The following WDR43 variants were observed in gnomAD, a reference collection of about 807,000 sequenced individuals.
The protein encoded by WDR43 is WD repeat domain 43.
In WDR43, 13 loss-of-function variants were observed where a neutral mutation model predicts 91.4. The observed-to-expected ratio is 0.14, with a 90% CI of 0.09 to 0.23. WDR43 has a LOEUF of 0.23. Ranked by LOEUF, WDR43 falls within the 10% of genes least tolerant of loss-of-function variation. The pLI is 1.00. For missense variants in WDR43, 780 were observed against 809.4 expected, an observed-to-expected ratio of 0.96 and a Z score of 0.44; for synonymous variants, 331 against 287.9, an observed-to-expected ratio of 1.15 and a Z score of -1.51.
rs1320433815 is a variant in WDR43 at position 28,937,456 on chromosome 2, G to A, written c.1557-475G>A. Among the ~76,000 whole-genome samples the A allele has an allele frequency of 3.3e-5, 5 of 151,860 alleles. No individual in the cohort carries two copies. In the East Asian group the frequency reaches 9.7e-4, roughly 29 times the overall value. ...CTCGTGGGGTGCATTAGCCTTCTGA[G>A]CTCACAAAAGAGGAAAGCTAAATAA... On this transcript the variant is annotated intron_variant, in intron 13 of 17. Coordinates refer to ENST00000407426, the MANE Select transcript of WDR43 (RefSeq NM_015131.3).
intron 11 of WDR43, among the ~76,000 whole-genome samples, chr2:28,931,923 G>A (rs1239490815): frequency 2.1e-5 from 3 of 146,296 alleles, no homozygotes; most frequent in Non-Finnish European, 4.5e-5. Flanking sequence ...CTGTCACCCA[G>A]GCTGGAAGAG....
At chr2:28,938,092 C>G in intron 14 of WDR43, 98 bp downstream of exon 14, 1 of 1,296,672 alleles carries the variant, frequency 7.7e-7, no homozygotes, top group South Asian at 1.3e-5. Flanking sequence ...CATCCTTTCC[C>G]CATCTATCCT....
At chr2:28,925,178 A>G in intron 8 of WDR43, 25 bp downstream of exon 8, 4 of 1,592,110 alleles carry the variant, frequency 2.5e-6, no homozygotes, top group Non-Finnish European at 3.4e-6. Flanking sequence ...CTCTGGAGTA[A>G]AGCAATATAG....
At chr2:28,932,713 C>T (rs1019552224) in intron 11 of WDR43, among the ~76,000 whole-genome samples, 3 of 152,164 alleles carry the variant, frequency 2.0e-5, no homozygotes, top group African/African-American at 4.8e-5. Context: ...GAGGTTAATA[C>T]TGTCTGTCAT....
At chr2:28,908,950 A>G (rs1670738253) in intron 3 of WDR43, among the ~76,000 whole-genome samples, 1 of 151,804 alleles carries the variant, frequency 6.6e-6, no homozygotes, top group Non-Finnish European at 1.5e-5. Context: ...TTTGTACAAA[A>G]TTTTGCTTTT....
intron 1 of WDR43, among the ~76,000 whole-genome samples, chr2:28,898,978 T>C (rs1670531805): frequency 6.6e-6 from 1 of 152,204 alleles, no homozygotes; most frequent in South Asian, 2.1e-4. Flanking sequence ...CCCTCAGCCT[T>C]CTGATTGTTT....
chr2:28,940,972 A>G (rs530201862), intron 14 of WDR43, among the ~76,000 whole-genome samples: 1 of 152,362 alleles, frequency 6.6e-6, no homozygotes, highest in South Asian at 2.1e-4. Flanking sequence ...TTAAAATGCA[A>G]AAGGTCAACT....
chr2:28,922,401 G>C (rs559662499), intron 6 of WDR43, among the ~76,000 whole-genome samples: 1 of 152,152 alleles, frequency 6.6e-6, no homozygotes, highest in African/African-American at 2.4e-5. Context: ...GTAGGTAGGA[G>C]CATGCAGAGA....
At chr2:28,938,912 G>A (rs542673753) in intron 14 of WDR43, among the ~76,000 whole-genome samples, 43 of 151,550 alleles carry the variant, frequency 2.8e-4, no homozygotes, top group African/African-American at 9.5e-4. Flanking sequence ...GATGAGAGGC[G>A]TTTTGGGAGG....
chr2:28,897,897 T>C (rs1482607435), intron 1 of WDR43, among the ~76,000 whole-genome samples: 1 of 152,212 alleles, frequency 6.6e-6, no homozygotes, highest in Non-Finnish European at 1.5e-5. Flanking sequence ...CATTTGGTCT[T>C]TGGAGCCTGG....
At chr2:28,917,766 G>C (rs1670942476) in intron 5 of WDR43, 127 bp from the exon 6 acceptor site, 2 of 789,286 alleles carry the variant, frequency 2.5e-6, no homozygotes. Flanking sequence ...CACTTTACTA[G>C]TTTTCAAAAG....
intron 3 of WDR43, among the ~76,000 whole-genome samples, chr2:28,907,200 T>A (rs1450409632): frequency 6.6e-6 from 1 of 152,210 alleles, no homozygotes; most frequent in Admixed American, 6.5e-5. Flanking sequence ...TAGTTCCACC[T>A]ACTGTGTAGT....
intron 17 of WDR43, 31 bp from the exon 18 acceptor site, chr2:28,946,569 T>C (rs770961734): frequency 2.5e-6 from 4 of 1,575,884 alleles, no homozygotes; most frequent in South Asian, 2.3e-5. Context: ...GAGACCTTCA[T>C]GAATGCTTTC....
intron 6 of WDR43, among the ~76,000 whole-genome samples, chr2:28,920,879 G>A (rs1427037592): frequency 6.6e-6 from 1 of 151,916 alleles, no homozygotes; most frequent in Non-Finnish European, 1.5e-5. Context: ...GTTTCACCAT[G>A]TTGGCCAGGC....
intron 14 of WDR43, among the ~76,000 whole-genome samples, chr2:28,939,381 C>G (rs1671394022): frequency 6.6e-6 from 1 of 152,148 alleles, no homozygotes; most frequent in East Asian, 1.9e-4. Flanking sequence ...GTAGTGAAAT[C>G]TTTTCTGGAA....
At chr2:28,937,055 A>G in intron 13 of WDR43, 102 bp downstream of exon 13, 1 of 1,115,894 alleles carries the variant, frequency 9.0e-7, no homozygotes, top group Admixed American at 2.7e-5. Flanking sequence ...TCAGTGTCAA[A>G]TATTAACCCC....
At chr2:28,916,673 GTTA>G (rs1670916900) in intron 5 of WDR43, among the ~76,000 whole-genome samples, 1 of 151,948 alleles carries the variant, frequency 6.6e-6, no homozygotes, top group African/African-American at 2.4e-5. Context: ...ATCGGTTCTC[GTTA>G]TTTATAATTG....
chr2:28,924,734 G>A lies in WDR43; in HGVS notation c.915-248G>A, dbSNP rs1357903888. Reference sequence around the variant, plus strand: ...GTTTGGCAGCTTGGGGCTTCTTGGCGGGGCCTGAAAAAATGGGACAGAGGG... The same window carrying A: ...GTTTGGCAGCTTGGGGCTTCTTGGCAGGGCCTGAAAAAATGGGACAGAGGG... On this transcript the variant is annotated intron_variant, in intron 7 of 17. Coordinates refer to ENST00000407426, the MANE Select transcript of WDR43 (RefSeq NM_015131.3). Among the ~76,000 whole-genome samples, 4 of 151,978 alleles carry A rather than the reference G, an allele frequency of 2.6e-5. No individual in the cohort carries two copies. The South Asian group carries it at 6.2e-4, about 24-fold the overall frequency.
intron 8 of WDR43, 23 bp from the exon 9 acceptor site, chr2:28,926,445 C>G (rs1395327500): frequency 6.7e-7 from 1 of 1,493,692 alleles, no homozygotes; most frequent in African/African-American, 1.4e-5. Flanking sequence ...TCATCTTCCC[C>G]TTTAAAAAAA....
Sources: gnomAD v4.1 joint callset for allele counts (sites outside exome capture counted in the v4.1 genomes callset) on GRCh38, gnomAD v4.1.1 for gene constraint, MANE v1.5 for transcripts, NCBI Gene and HGNC (gene_info 2026-07-23, HGNC 2026-07-21) for gene names.